Variants in USP42 observed in about 807,000 individuals in gnomAD.
The protein encoded by USP42 is ubiquitin specific peptidase 42, also known as ubiquitin carboxyl-terminal hydrolase 42.
A neutral mutation model predicts 113.0 loss-of-function variants in USP42; 23 were observed. The ratio of observed to expected loss-of-function variants is 0.20; its 90% confidence interval spans 0.15 to 0.29. The LOEUF is 0.29. Ranked by LOEUF, USP42 falls within the 10% of genes least tolerant of loss-of-function variation. The pLI, the probability that USP42 is intolerant of heterozygous loss-of-function variation, is 1.00. For missense variants in USP42, 2,174 were observed against 1,779.8 expected (o/e 1.22, Z -3.99); for synonymous variants, 933 against 699.0 (o/e 1.33, Z -5.28).
intron 14 of USP42, among the ~76,000 whole-genome samples, chr7:6,151,354 T>G (rs1782038296): frequency 6.6e-6 from 1 of 152,264 alleles, no homozygotes; most frequent in Non-Finnish European, 1.5e-5. Context: ...CTTTATAGAC[T>G]TTTAATTTTA....
chr7:6,157,129 A>G lies in USP42; in HGVS notation c.3943+74A>G. Reference sequence around the variant, plus strand: ...CATTTTCTTTGCAAAGGTGATTAACATGTAGAAAGAAAACCTCAGGTGGCA... The same window carrying G: ...CATTTTCTTTGCAAAGGTGATTAACGTGTAGAAAGAAAACCTCAGGTGGCA... On this transcript the variant is annotated intron_variant, in intron 16 of 17. Transcript: ENST00000306177. This position sits in a 1 kb window ranked among gnomAD's most constrained non-coding sequence, Gnocchi z 4.1. The G allele has an allele frequency of 2.1e-6, 3 of 1,455,710 alleles. No homozygotes were observed. Among genetic ancestry groups the G allele is most frequent in the African/African-American group, 1.4e-5 (1 of 70,312 alleles). 90.2% of individuals were successfully genotyped at this position (1,455,710 alleles called of 1,614,324 possible).
rs1371138495 is a variant in USP42, at chr7:6,153,821, C to T, written c.2267C>T (p.Ala756Val). 5 of 1,532,410 alleles carry T rather than the reference C, an allele frequency of 3.3e-6. No individual in the cohort carries two copies. In the African/African-American group the frequency reaches 5.6e-5, roughly 17 times the overall value. The allele number at this position is 1,532,410 out of a possible 1,614,324, so 94.9% of individuals were successfully genotyped here. A position where few individuals can be genotyped will look rare whatever the true frequency, so the allele number is the denominator to read the frequency against. The change falls in exon 15 of 18, where the codon GCC becomes GTC. Residue 756 changes from alanine to valine, a missense_variant. Transcript: ENST00000306177. ...GCCGAGCCTCAGCCTGGCAGCCCCGCCGCCGAATCCCTGGAGGAGCCAGAT... is the reference window on the plus strand; with the variant it reads ...GCCGAGCCTCAGCCTGGCAGCCCCGTCGCCGAATCCCTGGAGGAGCCAGAT... The part of the protein sequence containing the change: ...RDAEPQPGSP[A>V]AESLEEPDAA...
rs1782278724 is a variant in USP42 at position 6,154,351 on chromosome 7, C to G, written c.2797C>G (p.Pro933Ala). Residue 933 changes from proline (P) to alanine (A), a missense_variant, in exon 15 of 18, where the codon CCA becomes GCA. Physicochemically the swap from Pro to Ala is conservative, Grantham distance 27. Transcript: ENST00000306177. Reference sequence around the variant, plus strand: ...CGAGGACGCCGCGGCGCCGAAAGCCCCAGGCCCTTCCCCAGCGAAGGAGAA... The same window carrying G: ...CGAGGACGCCGCGGCGCCGAAAGCCGCAGGCCCTTCCCCAGCGAAGGAGAA... ...RVEDAAAPKA[P>A]GPSPAKEKIG... The G allele has an allele frequency of 9.5e-6, 15 of 1,573,228 alleles. No individual in the cohort carries two copies. The highest frequency in any genetic ancestry group is 1.4e-5 in the African/African-American group (1 of 73,828).
At chr7:6,142,573 G>A (rs556712391) in intron 7 of USP42, among the ~76,000 whole-genome samples, 67 of 152,152 alleles carry the variant, frequency 4.4e-4, no homozygotes, top group African/African-American at 1.5e-3. Flanking sequence ...TGAGTCTTCT[G>A]TTCCTTCTTT....
rs1363367562 is a variant in USP42, at chr7:6,161,462, T to TAA, written c.*946_*947dup. Reference sequence around the variant, plus strand: ...ACAGTTTGTGTTGTTCAGAGATGTTTAAAGTTTGATCTTTGTTTTTCTAAA... The same window carrying TAA: ...ACAGTTTGTGTTGTTCAGAGATGTTTAAAAAGTTTGATCTTTGTTTTTCTAAA... On this transcript the variant is annotated 3_prime_UTR_variant, in exon 18 of 18. Transcript: ENST00000306177. 1 of 152,644 alleles carries TAA rather than the reference T, an allele frequency of 6.6e-6. No individual in the cohort carries two copies. The highest frequency in any genetic ancestry group is 1.5e-5 in the Non-Finnish European group (1 of 68,050). The allele number at this position is 152,644 out of a possible 1,614,324, so 9.5% of individuals were successfully genotyped here.
chr7:6,154,159 C>A lies in USP42; in HGVS notation c.2605C>A (p.Gln869Lys), dbSNP rs1295716170. Reference protein sequence around the residue: ...PPARSEEPCEQPLLVHPSGDH... With the variant: ...PPARSEEPCEKPLLVHPSGDH... ...TGCGCGGTCGGAGGAGCCCTGCGAG[C>A]AGCCACTCCTTGTTCACCCCAGCGG... Residue 869 changes from glutamine to lysine, a missense_variant, in exon 15 of 18, where the codon CAG (glutamine) becomes AAG (lysine). Gln to Lys is a moderately conservative substitution (Grantham distance 53). Transcript: ENST00000306177. 9 of 1,594,602 alleles carry A rather than the reference C, an allele frequency of 5.6e-6. No homozygotes were observed. Among genetic ancestry groups the A allele is most frequent in the Middle Eastern group, 1.7e-4 (1 of 5,996 alleles).
At position 6,111,116 on chromosome 7, in the gene USP42, C is replaced by A; in HGVS notation, c.-9-9C>A. On this transcript the variant is annotated splice_polypyrimidine_tract_variant and intron_variant, in intron 1 of 17. Transcript: ENST00000306177. ...GATGAAACAAATACATACTTTTCATCTTTTGCAGAGTTGAACAATGACCAT... is the reference window on the plus strand; with the variant it reads ...GATGAAACAAATACATACTTTTCATATTTTGCAGAGTTGAACAATGACCAT... The A allele has an allele frequency of 6.2e-7, 1 of 1,602,954 alleles. No individual in the cohort carries two copies. Among genetic ancestry groups the A allele is most frequent in the Non-Finnish European group, 8.5e-7 (1 of 1,171,512 alleles).
At chr7:6,091,975 TTTTTTCTTCTTCTTCTTCTTCTTC>T in the USP42 span, among the ~76,000 whole-genome samples, 59 of 132,388 alleles carry the variant, frequency 4.5e-4, 3 homozygotes, top group African/African-American at 1.7e-3. Context: ...CAAGGACGTA[TTTTTTCTTCTTCTTCTTCTTCTTC>T]TTCTTCTTCT....
chr7:6,119,173 C>T (rs1215157911), intron 3 of USP42, among the ~76,000 whole-genome samples: 1 of 152,068 alleles, frequency 6.6e-6, no homozygotes, highest in Non-Finnish European at 1.5e-5. Context: ...TATGATTGCA[C>T]CACTGTATTA....
intron 8 of USP42, among the ~76,000 whole-genome samples, chr7:6,143,454 T>G (rs1781540027): frequency 1.3e-5 from 2 of 152,142 alleles, no homozygotes; most frequent in African/African-American, 2.4e-5. Flanking sequence ...TGGGATAGCA[T>G]TTGCTGAAAA....
At chr7:6,147,634 TC>T in intron 11 of USP42, 104 bp from the exon 12 acceptor site, 1 of 1,326,748 alleles carries the variant, frequency 7.5e-7, no homozygotes, top group Non-Finnish European at 1.0e-6. Context: ...GCTATTTTTT[TC>T]ATCAGGTTTC....
At chr7:6,119,812 C>T (rs1198857869) in intron 3 of USP42, among the ~76,000 whole-genome samples, 1 of 151,936 alleles carries the variant, frequency 6.6e-6, no homozygotes, top group Non-Finnish European at 1.5e-5. Flanking sequence ...CAAGGGATCC[C>T]CTTGCCTCAG....
chr7:6,083,283 T>G, the USP42 span, among the ~76,000 whole-genome samples: 3 of 147,212 alleles, frequency 2.0e-5, no homozygotes, highest in Non-Finnish European at 1.5e-5. Flanking sequence ...TTAGATACAG[T>G]CTAGCGCTGT....
intron 3 of USP42, among the ~76,000 whole-genome samples, chr7:6,133,891 CTTT>C (rs386409441): frequency 1.1e-4 from 14 of 128,976 alleles, no homozygotes; most frequent in Admixed American, 1.6e-4. Context: ...GTTTCTTCTT[CTTT>C]TTTTTTTTTT....
chr7:6,134,242 GA>G (rs1451536599), intron 3 of USP42, among the ~76,000 whole-genome samples: 1 of 151,902 alleles, frequency 6.6e-6, no homozygotes, highest in Non-Finnish European at 1.5e-5. Flanking sequence ...TTGAACATAG[GA>G]ATATATTTGT....
At chr7:6,138,564 G>A (rs1470815660) in intron 4 of USP42, among the ~76,000 whole-genome samples, 1 of 152,196 alleles carries the variant, frequency 6.6e-6, no homozygotes, top group Non-Finnish European at 1.5e-5. Context: ...TCTAGCTGCT[G>A]TGGACTTTTA....
At position 6,132,966 on chromosome 7, in the gene USP42, C is replaced by T. The variant is rs566755509; in HGVS notation, c.443-2875C>T. Among the ~76,000 whole-genome samples, 129 of 152,280 alleles carry T rather than the reference C, an allele frequency of 8.5e-4. 1 individual carries two copies. The highest frequency in any genetic ancestry group is 2.9e-3 in the African/African-American group (120 of 41,546). On this transcript the variant is annotated intron_variant, in intron 3 of 17. Transcript: ENST00000306177. Reference sequence around the variant, plus strand: ...GATTACAGGCGTGAGCCACTGCGCCCGGCCCAGCACTGTTTTTATCTCCAG... The same window carrying T: ...GATTACAGGCGTGAGCCACTGCGCCTGGCCCAGCACTGTTTTTATCTCCAG...
intron 8 of USP42, 69 bp from the exon 9 acceptor site, chr7:6,144,016 A>G: frequency 9.4e-7 from 1 of 1,058,728 alleles, no homozygotes; most frequent in Non-Finnish European, 1.3e-6. Context: ...AGTAACAAGA[A>G]AGACCAAAAT....
At chr7:6,138,005 A>G (rs1321122843) in intron 4 of USP42, among the ~76,000 whole-genome samples, 1 of 152,210 alleles carries the variant, frequency 6.6e-6, no homozygotes, top group Admixed American at 6.5e-5. Context: ...ATACATATTT[A>G]TATAGCAGAC....
Sources: gnomAD v4.1 joint callset for allele counts (sites outside exome capture counted in the v4.1 genomes callset) on GRCh38, gnomAD v4.1.1 for gene constraint, Gnocchi (gnomAD v3.1) non-coding constraint, MANE v1.5 for transcripts, NCBI Gene and HGNC (gene_info 2026-07-23, HGNC 2026-07-21) for gene names.